Variants in RPA2 observed in about 807,000 individuals in gnomAD.
RPA2 encodes the protein replication protein A2.
Under a neutral mutation model 33.4 loss-of-function variants are expected in RPA2, and 22 were observed. That is an observed-to-expected ratio of 0.66 (90% confidence interval 0.47 to 0.94). The LOEUF (loss-of-function observed/expected upper bound fraction) is 0.94. Among genes scored for constraint, RPA2 ranks in the 40% least tolerant of loss-of-function variants. The pLI is 0.00. For missense variants in RPA2, 279 were observed against 329.9 expected, an observed-to-expected ratio of 0.85 and a Z score of 1.19; for synonymous variants, 109 against 114.9, an observed-to-expected ratio of 0.95 and a Z score of 0.33.
upstream of RPA2, chr1:27,914,741 A>C: frequency 6.7e-7 from 1 of 1,489,422 alleles, no homozygotes; most frequent in Non-Finnish European, 9.3e-7. Flanking sequence ...AACCCTCCGC[A>C]CTAGCGGAAG....
chr1:27,892,858 G>T (rs1218832167), intron 8 of RPA2, among the ~76,000 whole-genome samples: 1 of 152,138 alleles, frequency 6.6e-6, no homozygotes, highest in African/African-American at 2.4e-5. Context: ...TCAGCCCTGA[G>T]CATTTCTTAT....
chr1:27,894,470 C>T (rs531820564), intron 6 of RPA2, 73 bp from the exon 7 acceptor site: 33 of 1,263,032 alleles, frequency 2.6e-5, no homozygotes, highest in African/African-American at 9.0e-5. Context: ...TAAAATAGCT[C>T]GTTAAGCAGC....
intron 6 of RPA2, among the ~76,000 whole-genome samples, chr1:27,895,251 G>A (rs914153463): frequency 1.3e-5 from 2 of 152,008 alleles, no homozygotes; most frequent in East Asian, 1.9e-4. Context: ...GTGAAACCCC[G>A]CCTGTATTAA....
rs2148659920 is a variant in RPA2 at position 27,906,917 on chromosome 1, CAGCCACTTACATCT to C, written c.330_333+10del. 1 of 1,584,322 alleles carries C rather than the reference CAGCCACTTACATCT, an allele frequency of 6.3e-7. No homozygotes were observed. Among genetic ancestry groups the C allele is most frequent in the South Asian group, 1.1e-5 (1 of 87,856 alleles). ...AAGTAACCCCATCATGATTCAAAAACAGCCACTTACATCTGTGTCAACCCACTGGCGAACGTCCA... is the reference window on the plus strand; with the variant it reads ...AAGTAACCCCATCATGATTCAAAAACGTGTCAACCCACTGGCGAACGTCCA... On this transcript the variant is annotated splice_donor_variant and splice_donor_5th_base_variant and coding_sequence_variant and intron_variant, in exon 4 of 9. Coordinates refer to ENST00000373912, the MANE Select transcript of RPA2 (RefSeq NM_002946.5). LOFTEE classifies it high-confidence loss of function.
chr1:27,912,603 T>C (rs1390582906), intron 2 of RPA2, among the ~76,000 whole-genome samples: 3 of 152,076 alleles, frequency 2.0e-5, no homozygotes, highest in Admixed American at 1.3e-4. Flanking sequence ...TTTCTATAGA[T>C]TGTTTTCCTA....
At chr1:27,902,455 T>C (rs1440408471) in intron 4 of RPA2, among the ~76,000 whole-genome samples, 2 of 151,920 alleles carry the variant, frequency 1.3e-5, no homozygotes, top group Admixed American at 6.6e-5. Flanking sequence ...GACTAATTTT[T>C]TTATTTTTAG....
At chr1:27,902,575 G>A (rs548389688) in intron 4 of RPA2, among the ~76,000 whole-genome samples, 37 of 151,848 alleles carry the variant, frequency 2.4e-4, no homozygotes, top group African/African-American at 6.5e-4. Context: ...ATGAGCCACC[G>A]CACCTAGTCA....
chr1:27,914,311 C>T, intron 1 of RPA2, 123 bp downstream of exon 1: 1 of 1,609,792 alleles, frequency 6.2e-7, no homozygotes, highest in South Asian at 1.1e-5. Flanking sequence ...GACCCCCAAA[C>T]GCCCCAGCTC....
intron 2 of RPA2, among the ~76,000 whole-genome samples, chr1:27,913,168 G>GA (rs2090121514): frequency 1.3e-5 from 2 of 151,574 alleles, no homozygotes; most frequent in African/African-American, 4.8e-5. Context: ...GGCCAGGCTG[G>GA]TCAGGAACTC....
At chr1:27,914,235 C>T in intron 1 of RPA2, 66 bp from the exon 2 acceptor site, 1 of 1,603,126 alleles carries the variant, frequency 6.2e-7, no homozygotes, top group Non-Finnish European at 8.5e-7. Flanking sequence ...CGCAGGCTCC[C>T]GGAGGCTTCG....
At chr1:27,894,172 G>C in intron 7 of RPA2, 66 bp from the exon 8 acceptor site, 3 of 1,524,104 alleles carry the variant, frequency 2.0e-6, no homozygotes, top group Non-Finnish European at 2.7e-6. Context: ...GCAAACCTGA[G>C]TCCCTTTATA....
intron 6 of RPA2, among the ~76,000 whole-genome samples, chr1:27,894,645 C>G (rs2089867605): frequency 6.6e-6 from 1 of 152,170 alleles, no homozygotes. Flanking sequence ...TTTGTGATGT[C>G]AGACGAACCA....
intron 4 of RPA2, among the ~76,000 whole-genome samples, chr1:27,901,460 T>C (rs551928924): frequency 1.3e-5 from 2 of 151,856 alleles, no homozygotes; most frequent in South Asian, 4.2e-4. Context: ...CCTCCTGGGT[T>C]CAAGCGATTC....
At chr1:27,910,179 A>G (rs935386231) in intron 2 of RPA2, among the ~76,000 whole-genome samples, 2 of 152,228 alleles carry the variant, frequency 1.3e-5, no homozygotes, top group African/African-American at 4.8e-5. Flanking sequence ...CTGTAGACCC[A>G]TGCTCAAATC....
At chr1:27,914,693 G>C, upstream of RPA2, 1 of 1,611,206 alleles carries the variant, frequency 6.2e-7, no homozygotes. Context: ...CTCCCAGTTG[G>C]CTCCAAAAGC....
At position 27,913,776 on chromosome 1, in the gene RPA2, A is replaced by T. The variant is rs1043618927; in HGVS notation, c.117+287T>A. On this transcript the variant is annotated intron_variant, in intron 2 of 8. Transcript: ENST00000373912. ...TATTTTAAAAAATAAAAATAAATTT[A>T]AAAACCAAGTTGAGGGCGTTCACAC... 7.9e-5 allele frequency among the ~76,000 whole-genome samples: 12 copies of T among 152,190 alleles called. No homozygotes were observed. In the Middle Eastern group the frequency reaches 0.01, roughly 129 times the overall value.
intron 6 of RPA2, 63 bp downstream of exon 6, chr1:27,896,942 A>G (rs187211145): frequency 1.6e-6 from 2 of 1,225,392 alleles, no homozygotes; most frequent in East Asian, 4.8e-5. Context: ...TCAAAGCTGG[A>G]ACACAAAAGT....
intron 6 of RPA2, 118 bp from the exon 7 acceptor site, chr1:27,894,515 T>A (rs1349435511): frequency 1.4e-6 from 1 of 719,470 alleles, no homozygotes; most frequent in Non-Finnish European, 2.3e-6. Context: ...TTTCCCAGTT[T>A]ATAACACTGC....
At chr1:27,892,460 A>G (rs538625876) in intron 8 of RPA2, among the ~76,000 whole-genome samples, 2 of 152,384 alleles carry the variant, frequency 1.3e-5, no homozygotes, top group Admixed American at 1.3e-4. Context: ...AATGGCTATT[A>G]GGGCTGTCTT....
Sources: allele counts gnomAD v4.1 joint callset (sites outside exome capture counted in the v4.1 genomes callset), GRCh38; gene constraint gnomAD v4.1.1; transcripts MANE v1.5; gene names NCBI Gene and HGNC (gene_info 2026-07-23, HGNC 2026-07-21).